Variants in TTC24 observed in about 807,000 individuals in gnomAD.
TTC24 encodes the protein tetratricopeptide repeat protein 24.
TTC24 carries 54 observed loss-of-function variants against 63.3 expected under a neutral mutation model. The observed-to-expected ratio is 0.85, with a 90% CI of 0.69 to 1.07. The LOEUF (loss-of-function observed/expected upper bound fraction) is 1.07, where lower values mean the gene tolerates loss of function less well. Among genes scored for constraint, TTC24 ranks in the 50% least tolerant of loss-of-function variants. The pLI, the probability that TTC24 is intolerant of heterozygous loss-of-function variation, is 0.00. For synonymous variants in TTC24, 276 were observed against 304.3 expected (o/e 0.91, Z 0.97); for missense variants, 680 against 730.5 (o/e 0.93, Z 0.80).
chr1:156,581,509 G>A lies in TTC24; in HGVS notation c.145G>A (p.Ala49Thr). The A allele has an allele frequency of 1.9e-6, 3 of 1,551,422 alleles. No individual in the cohort carries two copies. Among genetic ancestry groups the A allele is most frequent in the Non-Finnish European group, 2.6e-6 (3 of 1,146,784 alleles). Reference sequence around the variant, plus strand: ...CAGGGCTGGCCATGGGGCCCTTCAGGCTGGCCAGAACCATGAAGCCTTGAA... The same window carrying A: ...CAGGGCTGGCCATGGGGCCCTTCAGACTGGCCAGAACCATGAAGCCTTGAA... ...LTRAGHGALQAGQNHEALNNF... is the reference protein window; with the variant it reads ...LTRAGHGALQTGQNHEALNNF... Residue 49 changes from alanine to threonine, a missense_variant, in exon 2 of 11, where the codon GCT (alanine) becomes ACT (threonine). By Grantham distance (58) the Ala-to-Thr change is moderately conservative. Transcript: ENST00000368236.
chr1:156,582,028 A>C lies in TTC24; in HGVS notation c.664A>C (p.Ser222Arg). The change falls in exon 2 of 11, where the codon AGC (serine) becomes CGC (arginine). Residue 222 changes from serine (S) to arginine (R), a missense_variant. Physicochemically the swap from Ser to Arg is moderately radical, Grantham distance 110. Transcript: ENST00000368236. ...VGEVVQVLEKSRRLAERSTER... is the reference protein window; with the variant it reads ...VGEVVQVLEKRRRLAERSTER... ...GGAAGTTGTGCAGGTGCTGGAGAAA[A>C]GCCGGAGGCTTGCCGAGAGGAGCAC... 1.4e-6 allele frequency: 2 copies of C among 1,481,304 alleles called. No individual in the cohort carries two copies. The highest frequency in any genetic ancestry group is 1.8e-6 in the Non-Finnish European group (2 of 1,116,984). 91.8% of individuals were successfully genotyped at this position (1,481,304 alleles called of 1,614,324 possible).
intron 10 of TTC24, 113 bp from the exon 11 acceptor site, chr1:156,586,356 C>A: frequency 1.1e-6 from 1 of 873,272 alleles, no homozygotes; most frequent in Non-Finnish European, 1.8e-6. Flanking sequence ...CTCTGGAGCC[C>A]ACCAGCAGAG....
In TTC24 at chr1:156,585,300, C is replaced by T. The variant is rs758287995; in HGVS notation, c.1456+69C>T. 1.2e-5 allele frequency: 15 copies of T among 1,246,180 alleles called. No homozygotes were observed. The Admixed American group carries it at 1.2e-4, about 10-fold the overall frequency. The allele number at this position is 1,246,180 out of a possible 1,614,324, so 77.2% of individuals were successfully genotyped here. A position where few individuals can be genotyped will look rare whatever the true frequency, so the allele number is the denominator to read the frequency against. On this transcript the variant is annotated intron_variant, in intron 8 of 10. Coordinates refer to ENST00000368236, the MANE Select transcript of TTC24 (RefSeq NM_001105669.4). The stretch of plus-strand genomic sequence containing the variant: ...CAAATATGGCACTCCCACCCCCACC[C>T]GCCTGCCTCCGCTTCTTATGCCCAT...
chr1:156,581,567 A>G lies in TTC24; in HGVS notation c.203A>G (p.Lys68Arg), dbSNP rs1226287904. 1.3e-6 allele frequency: 2 copies of G among 1,551,582 alleles called. No homozygotes were observed. Among genetic ancestry groups the G allele is most frequent in the East Asian group, 2.4e-5 (1 of 40,910 alleles). ...NFQRAFLLAS[K>R]APQTRDTPVL... is the part of the protein sequence containing the mutation. ...CAGAGGGCCTTCCTTCTGGCCTCCA[A>G]GGCCCCACAAACCAGGGATACCCCT... Residue 68 changes from lysine to arginine, a missense_variant, in exon 2 of 11, where the codon AAG becomes AGG. Lys to Arg is a conservative substitution (Grantham distance 26). Transcript: ENST00000368236.
intron 1 of TTC24, among the ~76,000 whole-genome samples, chr1:156,580,155 T>C (rs1416402857): frequency 4.0e-5 from 6 of 151,832 alleles, no homozygotes; most frequent in African/African-American, 1.5e-4. Context: ...GCGGAAGAAA[T>C]GGAGAGAGAG....
In TTC24 at chr1:156,582,218, C is replaced by A; in HGVS notation, c.707-13C>A. 6.5e-7 allele frequency: 1 copy of A among 1,544,056 alleles called. No individual in the cohort carries two copies. The highest frequency in any genetic ancestry group is 8.8e-7 in the Non-Finnish European group (1 of 1,141,758). ...CTGGTCTGGCTACCAGTGACCCTGG[C>A]TATTCCCTCTAGGGCACCTCTATAA... On this transcript the variant is annotated splice_polypyrimidine_tract_variant and intron_variant, in intron 2 of 10. Transcript: ENST00000368236.
Position 156,583,677 on chromosome 1 carries a change from G to C in TTC24, c.1153-120G>C. 9.8e-7 allele frequency: 1 copy of C among 1,018,648 alleles called. No individual in the cohort carries two copies. Among genetic ancestry groups the C allele is most frequent in the South Asian group, 1.5e-5 (1 of 66,664 alleles). 63.1% of individuals were successfully genotyped at this position (1,018,648 alleles called of 1,614,324 possible). ...CTGGGAAAGGCATGGGGATGGGGTA[G>C]AAGAGAGGGGAAACAAAGCCCCCCT... On this transcript the variant is annotated intron_variant, in intron 5 of 10. Transcript: ENST00000368236. This position sits in a 1 kb window ranked among gnomAD's most constrained non-coding sequence, Gnocchi z 4.0.
chr1:156,583,795 A>G lies in TTC24; in HGVS notation c.1153-2A>G. On this transcript the variant is annotated splice_acceptor_variant, in intron 5 of 10. Coordinates refer to ENST00000368236, the MANE Select transcript of TTC24 (RefSeq NM_001105669.4). LOFTEE classifies it high-confidence loss of function. The surrounding 1 kb of genome is among the most constrained non-coding windows in gnomAD (Gnocchi z 4.0). The stretch of plus-strand genomic sequence containing the variant: ...TTACCCTATTATCCACCCTCTTCCC[A>G]GAAGGAGCCAGATTCTGTGCGAGAA... The G allele has an allele frequency of 6.3e-7, 1 of 1,575,728 alleles. No individual in the cohort carries two copies. The highest frequency in any genetic ancestry group is 1.2e-5 in the South Asian group (1 of 85,602).
chr1:156,581,097 T>C (rs1163977069), intron 1 of TTC24, among the ~76,000 whole-genome samples: 2 of 152,024 alleles, frequency 1.3e-5, no homozygotes, highest in African/African-American at 2.4e-5. Flanking sequence ...GAGTACCCAG[T>C]TGGTTGAGAA....
Position 156,581,477 on chromosome 1 carries a change from C to T in TTC24, c.113C>T (p.Ala38Val). 6.4e-7 allele frequency: 1 copy of T among 1,551,366 alleles called. No individual in the cohort carries two copies. Residue 38 changes from alanine (A) to valine (V), a missense_variant, in exon 2 of 11, where the codon GCC (alanine) becomes GTC (valine). Transcript: ENST00000368236. Reference protein sequence around the residue: ...KWLRQEASIQALTRAGHGALQ... With the variant: ...KWLRQEASIQVLTRAGHGALQ... ...CTGCGGCAAGAAGCCAGCATCCAAG[C>T]CCTCACCAGGGCTGGCCATGGGGCC...
At position 156,581,481 on chromosome 1, in the gene TTC24, C is replaced by G; in HGVS notation, c.117C>G (p.Leu39=). ...GGCAAGAAGCCAGCATCCAAGCCCT[C>G]ACCAGGGCTGGCCATGGGGCCCTTC... ...WLRQEASIQA[L]TRAGHGALQA... is the part of the protein sequence containing the mutation. Residue 39 remains leucine, a synonymous_variant, in exon 2 of 11, where the codon CTC becomes CTG. Transcript: ENST00000368236. 1 of 1,551,408 alleles carries G rather than the reference C, an allele frequency of 6.4e-7. No individual in the cohort carries two copies. The highest frequency in any genetic ancestry group is 8.7e-7 in the Non-Finnish European group (1 of 1,146,796).
At position 156,582,128 on chromosome 1, in the gene TTC24, C is replaced by G. The variant is rs115500783; in HGVS notation, c.706+58C>G. ...TGGGGAGACACAGAGCCTGATGATA[C>G]TCAGAGGGCTGGGTTTGGGGAACCC... is the stretch of plus-strand genomic sequence containing the variant. On this transcript the variant is annotated intron_variant, in intron 2 of 10. Coordinates refer to ENST00000368236, the MANE Select transcript of TTC24 (RefSeq NM_001105669.4). 10,374 of 1,461,642 alleles carry G rather than the reference C, an allele frequency of 7.1e-3. 450 individuals carry two copies. The Admixed American group carries it at 0.12, about 18-fold the overall frequency. The allele number at this position is 1,461,642 out of a possible 1,614,324, so 90.5% of individuals were successfully genotyped here. A position where few individuals can be genotyped will look rare whatever the true frequency, so the allele number is the denominator to read the frequency against.
In TTC24 at chr1:156,585,397, T is replaced by C. The variant is rs932704958; in HGVS notation, c.1456+166T>C. ...ACCTCGCGCCACCCCTGACCCTGGC[T>C]GTCCCAGTTCGCAAGTCCCCAACAG... On this transcript the variant is annotated intron_variant, in intron 8 of 10. Coordinates refer to ENST00000368236, the MANE Select transcript of TTC24 (RefSeq NM_001105669.4). The C allele has an allele frequency of 1.1e-5, 7 of 626,188 alleles. No homozygotes were observed. The African/African-American group carries it at 1.3e-4, about 12-fold the overall frequency. The allele number at this position is 626,188 out of a possible 1,614,324, so 38.8% of individuals were successfully genotyped here. A position where few individuals can be genotyped will look rare whatever the true frequency, so the allele number is the denominator to read the frequency against.
In TTC24 at chr1:156,581,466, C is replaced by T. The variant is rs1676990010; in HGVS notation, c.102C>T (p.Ala34=). 6.4e-7 allele frequency: 1 copy of T among 1,550,728 alleles called. No homozygotes were observed. Among genetic ancestry groups the T allele is most frequent in the Admixed American group, 2.0e-5 (1 of 50,838 alleles). Residue 34 remains alanine (A), a synonymous_variant, in exon 2 of 11, where the codon GCC becomes GCT. Transcript: ENST00000368236. ...AAAGAAAGTGGCTGCGGCAAGAAGCCAGCATCCAAGCCCTCACCAGGGCTG... is the reference window on the plus strand; with the variant it reads ...AAAGAAAGTGGCTGCGGCAAGAAGCTAGCATCCAAGCCCTCACCAGGGCTG... ...KKKRKWLRQE[A]SIQALTRAGH... is the part of the protein sequence containing the mutation.
chr1:156,585,287 T>G lies in TTC24; in HGVS notation c.1456+56T>G, dbSNP rs908732153. 2.6e-5 allele frequency: 36 copies of G among 1,402,060 alleles called. No homozygotes were observed. In the Admixed American group the frequency reaches 7.3e-4, roughly 28 times the overall value. The allele number at this position is 1,402,060 out of a possible 1,614,324, so 86.9% of individuals were successfully genotyped here. The stretch of plus-strand genomic sequence containing the variant: ...CCTCTCCTTACTGCAAATATGGCAC[T>G]CCCACCCCCACCCGCCTGCCTCCGC... On this transcript the variant is annotated intron_variant, in intron 8 of 10. Transcript: ENST00000368236.
rs1571388344 is a variant in TTC24, at chr1:156,587,086, C to T, written c.*536C>T. ...GAACAGTGATGTGATGTAACATTTC[C>T]CAAGTACTTAGCTCATGCCCCACCC... is the stretch of plus-strand genomic sequence containing the variant. On this transcript the variant is annotated 3_prime_UTR_variant, in exon 11 of 11. Coordinates refer to ENST00000368236, the MANE Select transcript of TTC24 (RefSeq NM_001105669.4). 6.6e-6 allele frequency among the ~76,000 whole-genome samples: 1 copy of T among 152,292 alleles called. No homozygotes were observed. Among genetic ancestry groups the T allele is most frequent in the East Asian group, 1.9e-4 (1 of 5,176 alleles).
chr1:156,585,722 T>C lies in TTC24; in HGVS notation c.1466T>C (p.Leu489Pro), dbSNP rs1417862489. 1 of 1,613,180 alleles carries C rather than the reference T, an allele frequency of 6.2e-7. No individual in the cohort carries two copies. The highest frequency in any genetic ancestry group is 2.2e-5 in the East Asian group (1 of 44,878). Reference protein sequence around the residue: ...AGPGRPELCFLPGTVNHSHHL... With the variant: ...AGPGRPELCFPPGTVNHSHHL... ...GATGTCTCCTTTTCAGTGTGTTTCC[T>C]TCCAGGCACAGTGAATCATTCGCAC... Residue 489 changes from leucine (L) to proline (P), a missense_variant, in exon 9 of 11, where the codon CTT (leucine) becomes CCT (proline). Leu to Pro is a moderately conservative substitution (Grantham distance 98). Coordinates refer to ENST00000368236, the MANE Select transcript of TTC24 (RefSeq NM_001105669.4).
At chr1:156,584,604 A>G (rs1026122019) in intron 6 of TTC24, 2 of 347,498 alleles carry the variant, frequency 5.8e-6, no homozygotes, top group Non-Finnish European at 1.0e-5. Flanking sequence ...TCTGCCACCT[A>G]TTTTCTGTGA....
chr1:156,585,370 C>G (rs1300779273), intron 8 of TTC24, 139 bp downstream of exon 8: 1 of 697,678 alleles, frequency 1.4e-6, no homozygotes, highest in Non-Finnish European at 2.4e-6. Context: ...AGGCCTGGCA[C>G]AACCTCGCGC....
Sources: gnomAD v4.1 joint callset for allele counts (sites outside exome capture counted in the v4.1 genomes callset) on GRCh38, gnomAD v4.1.1 for gene constraint, Gnocchi (gnomAD v3.1) non-coding constraint, MANE v1.5 for transcripts, NCBI Gene and HGNC (gene_info 2026-07-23, HGNC 2026-07-21) for gene names.